Variants in ARMC7 observed in about 807,000 individuals in gnomAD.
The protein encoded by ARMC7 is armadillo repeat containing 7.
A neutral mutation model predicts 14.8 loss-of-function variants in ARMC7; 9 were observed. The ratio of observed to expected loss-of-function variants is 0.61; its 90% confidence interval spans 0.37 to 1.06. The LOEUF (loss-of-function observed/expected upper bound fraction) is 1.06, where lower values mean the gene tolerates loss of function less well. ARMC7 is among the 50% of genes least tolerant of loss of function. ARMC7 has a pLI of 0.01. For missense variants in ARMC7, 262 were observed against 267.1 expected, an observed-to-expected ratio of 0.98 and a Z score of 0.13; for synonymous variants, 125 against 123.4, an observed-to-expected ratio of 1.01 and a Z score of -0.09.
intron 2 of ARMC7, among the ~76,000 whole-genome samples, chr17:75,122,577 A>G (rs2074021249): frequency 6.6e-6 from 1 of 151,874 alleles, no homozygotes; most frequent in Non-Finnish European, 1.5e-5. Flanking sequence ...TGGCAAGGCT[A>G]GTCTTGAACT....
chr17:75,128,013 T>C (rs2074064471), intron 2 of ARMC7, among the ~76,000 whole-genome samples: 1 of 152,242 alleles, frequency 6.6e-6, no homozygotes, highest in African/African-American at 2.4e-5. Flanking sequence ...CATCATCTTA[T>C]ATTTTTATAA....
At chr17:75,120,502 T>G (rs936471844) in intron 2 of ARMC7, among the ~76,000 whole-genome samples, 4 of 152,038 alleles carry the variant, frequency 2.6e-5, no homozygotes, top group African/African-American at 9.7e-5. Context: ...TCCTTTCTGT[T>G]TTATAACGAT....
chr17:75,128,820 CCGCCGGGCCGCAGCTTTCTCCCAGAGCT>C lies in ARMC7; in HGVS notation c.380_407del (p.Pro127ArgfsTer114). Reference sequence around the variant, plus strand: ...CATCACCACGCTCATGCACCTGAGCCCGCCGGGCCGCAGCTTTCTCCCAGAGCTGACCGCCACGCCCGTGGTGCAGTGC... The same window carrying C: ...CATCACCACGCTCATGCACCTGAGCCGACCGCCACGCCCGTGGTGCAGTGC... On this transcript the variant is annotated frameshift_variant, in exon 3 of 3. Transcript: ENST00000245543. LOFTEE classifies it high-confidence loss of function. 6.2e-7 allele frequency: 1 copy of C among 1,613,190 alleles called. No individual in the cohort carries two copies. Among genetic ancestry groups the C allele is most frequent in the Non-Finnish European group, 8.5e-7 (1 of 1,180,010 alleles).
At chr17:75,114,651 G>A (rs2073960197) in intron 2 of ARMC7, 2 of 397,800 alleles carry the variant, frequency 5.0e-6, no homozygotes, top group African/African-American at 2.1e-5. Flanking sequence ...TTTTAGAATT[G>A]TTAGGATCAT....
intron 2 of ARMC7, among the ~76,000 whole-genome samples, chr17:75,119,241 CA>C (rs1217374162): frequency 7.2e-5 from 11 of 152,192 alleles, no homozygotes; most frequent in Admixed American, 4.6e-4. Context: ...ATGGCTCCTT[CA>C]ATTTCAAGTC....
intron 2 of ARMC7, among the ~76,000 whole-genome samples, chr17:75,120,931 A>G (rs1317453003): frequency 6.6e-6 from 1 of 152,096 alleles, no homozygotes; most frequent in African/African-American, 2.4e-5. Context: ...CCATGTAAGC[A>G]GCTCCTAAAC....
intron 2 of ARMC7, among the ~76,000 whole-genome samples, chr17:75,115,528 ACT>A (rs2073967425): frequency 6.6e-6 from 1 of 150,692 alleles, no homozygotes; most frequent in Admixed American, 6.6e-5. Context: ...ACAGAGCAAG[ACT>A]CTGTCTCCAT....
chr17:75,111,546 C>G (rs1163354653), intron 2 of ARMC7, among the ~76,000 whole-genome samples: 1 of 149,396 alleles, frequency 6.7e-6, no homozygotes, highest in Non-Finnish European at 1.5e-5. Flanking sequence ...GAGTTCAAGA[C>G]CAGCCTGGGC....
At position 75,110,615 on chromosome 17, in the gene ARMC7, G is replaced by A. The variant is rs570485737; in HGVS notation, c.235+9G>A. ...GGTGGAGTTTGCTATTGGTAAGGGCGGGGCCCGTTCCCTAGATGCCTAAAT... is the reference window on the plus strand; with the variant it reads ...GGTGGAGTTTGCTATTGGTAAGGGCAGGGCCCGTTCCCTAGATGCCTAAAT... On this transcript the variant is annotated intron_variant, in intron 2 of 2. Transcript: ENST00000245543. 2.5e-6 allele frequency: 4 copies of A among 1,614,066 alleles called. No individual in the cohort carries two copies. In the Admixed American group the frequency reaches 5.0e-5, roughly 20 times the overall value.
In ARMC7 at chr17:75,110,448, G is replaced by C. The variant is rs771664393; in HGVS notation, c.92-15G>C. 1.2e-5 allele frequency: 19 copies of C among 1,614,084 alleles called. No individual in the cohort carries two copies. Among genetic ancestry groups the C allele is most frequent in the Admixed American group, 8.3e-5 (5 of 59,996 alleles). Reference sequence around the variant, plus strand: ...GCCGCCCGGACCTGGCTTCAGTGCCGCTTTCCCGTTGCAGACGCCAAGGAG... The same window carrying C: ...GCCGCCCGGACCTGGCTTCAGTGCCCCTTTCCCGTTGCAGACGCCAAGGAG... On this transcript the variant is annotated splice_polypyrimidine_tract_variant and intron_variant, in intron 1 of 2. Coordinates refer to ENST00000245543, the MANE Select transcript of ARMC7 (RefSeq NM_024585.4).
At chr17:75,113,559 G>C (rs2073948496) in intron 2 of ARMC7, among the ~76,000 whole-genome samples, 1 of 151,288 alleles carries the variant, frequency 6.6e-6, no homozygotes. Context: ...GTTTCACCGT[G>C]TTAGCCAGGA....
chr17:75,114,178 T>C, intron 2 of ARMC7: 1 of 401,190 alleles, frequency 2.5e-6, no homozygotes, highest in Non-Finnish European at 4.4e-6. Context: ...GCTGCTGCAG[T>C]CTGAACGGTG....
rs1568021157 is a variant in ARMC7, at chr17:75,129,951, C to G, written c.*913C>G. The G allele has an allele frequency of 6.5e-6, 1 of 154,240 alleles. No homozygotes were observed. The highest frequency in any genetic ancestry group is 1.4e-5 in the Non-Finnish European group (1 of 69,474). The allele number at this position is 154,240 out of a possible 1,614,324, so 9.6% of individuals were successfully genotyped here. On this transcript the variant is annotated 3_prime_UTR_variant, in exon 3 of 3. Coordinates refer to ENST00000245543, the MANE Select transcript of ARMC7 (RefSeq NM_024585.4). ...AGACGGCAACGTAAAGGATGTGGCT[C>G]CATGTCCATGGTGCCCCCTGGTCAA...
At chr17:75,126,247 G>A (rs977947383) in intron 2 of ARMC7, among the ~76,000 whole-genome samples, 1 of 152,170 alleles carries the variant, frequency 6.6e-6, no homozygotes, top group African/African-American at 2.4e-5. Context: ...GCTGAGCAGA[G>A]TGACCTCCAA....
intron 2 of ARMC7, among the ~76,000 whole-genome samples, chr17:75,117,707 G>A (rs531736068): frequency 2.4e-4 from 36 of 152,302 alleles, no homozygotes; most frequent in African/African-American, 7.9e-4. Context: ...GGCCCCTCAG[G>A]GAGTCTAAAG....
chr17:75,114,198 C>T (rs1478700183), intron 2 of ARMC7: 2 of 401,036 alleles, frequency 5.0e-6, no homozygotes, highest in African/African-American at 2.1e-5. Flanking sequence ...GACGGTGGCC[C>T]CTGCAGAAGC....
intron 2 of ARMC7, among the ~76,000 whole-genome samples, chr17:75,115,040 G>A (rs908635287): frequency 1.3e-5 from 2 of 152,188 alleles, no homozygotes; most frequent in African/African-American, 4.8e-5. Context: ...CCCTGAGCCA[G>A]AGCCAGCCTT....
rs989607943 is a variant in ARMC7, at chr17:75,110,224, C to T, written c.-65C>T. ...GTGGAGAGCGGGTGAGGGTCTCGCT[C>T]GGCTTTCCCCCTGCACCTTTCCCAC... On this transcript the variant is annotated 5_prime_UTR_variant, in exon 1 of 3. Coordinates refer to ENST00000245543, the MANE Select transcript of ARMC7 (RefSeq NM_024585.4). 10 of 1,457,770 alleles carry T rather than the reference C, an allele frequency of 6.9e-6. No individual in the cohort carries two copies. The South Asian group carries it at 9.3e-5, about 14-fold the overall frequency. 90.3% of individuals were successfully genotyped at this position (1,457,770 alleles called of 1,614,324 possible). A position where few individuals can be genotyped will look rare whatever the true frequency, so the allele number is the denominator to read the frequency against.
Position 75,110,642 on chromosome 17 carries a change from G to A in ARMC7, c.235+36G>A, listed in dbSNP as rs1055866227. On this transcript the variant is annotated intron_variant, in intron 2 of 2. Transcript: ENST00000245543. ...GGCCCGTTCCCTAGATGCCTAAATG[G>A]GCCAGGGTGAGATAAGTGAATTAGA... is the stretch of plus-strand genomic sequence containing the variant. The A allele has an allele frequency of 3.7e-6, 6 of 1,612,068 alleles. No homozygotes were observed. In the African/African-American group the frequency reaches 8.0e-5, roughly 22 times the overall value.
Sources: allele counts gnomAD v4.1 joint callset (sites outside exome capture counted in the v4.1 genomes callset), GRCh38; gene constraint gnomAD v4.1.1; transcripts MANE v1.5; gene names NCBI Gene and HGNC (gene_info 2026-07-23, HGNC 2026-07-21).